CISH: variants seen among roughly 807,000 people sequenced by gnomAD.
CISH encodes cytokine inducible SH2 containing protein, also known as cytokine-inducible SH2-containing protein.
CISH carries 11 observed loss-of-function variants against 21.3 expected under a neutral mutation model. The observed-to-expected ratio is 0.52, with a 90% CI of 0.32 to 0.85. The LOEUF (loss-of-function observed/expected upper bound fraction) is 0.85, where lower values mean the gene tolerates loss of function less well. CISH is among the 40% of genes least tolerant of loss of function. CISH has a pLI of 0.03. For missense variants in CISH, 280 were observed against 351.7 expected (o/e 0.80, Z 1.63); for synonymous variants, 118 against 142.3 (o/e 0.83, Z 1.22).
chr3:50,608,710 T>C, intron 1 of CISH, 117 bp from the exon 2 acceptor site: 1 of 657,672 alleles, frequency 1.5e-6, no homozygotes, highest in Non-Finnish European at 2.3e-6. Flanking sequence ...ACTATGAGCC[T>C]CAGCTTCCCC....
chr3:50,611,210 A>G, intron 1 of CISH: 1 of 1,039,170 alleles, frequency 9.6e-7, no homozygotes, highest in Non-Finnish European at 1.2e-6. Context: ...GAGAGGGGAC[A>G]CCAGGACAGA....
intron 1 of CISH, chr3:50,610,946 C>T (rs2032306445): frequency 1.0e-6 from 1 of 1,000,738 alleles, no homozygotes; most frequent in East Asian, 1.1e-4. Context: ...GTCTTATCAG[C>T]ATCCCCTCTC....
chr3:50,610,313 G>T, intron 1 of CISH: 1 of 1,535,508 alleles, frequency 6.5e-7, no homozygotes, highest in Non-Finnish European at 8.8e-7. Flanking sequence ...TGGGGCTGAT[G>T]TGGTAGCTGG....
chr3:50,610,006 A>G (rs1448771507), intron 1 of CISH: 3 of 256,532 alleles, frequency 1.2e-5, no homozygotes, highest in Non-Finnish European at 2.3e-5. Context: ...GTGACCCTCT[A>G]GGTTCTAACA....
chr3:50,608,158 G>C lies in CISH; in HGVS notation c.242-16C>G. 4 of 1,584,940 alleles carry C rather than the reference G, an allele frequency of 2.5e-6. No individual in the cohort carries two copies. Among genetic ancestry groups the C allele is most frequent in the Non-Finnish European group, 3.4e-6 (4 of 1,162,438 alleles). On this transcript the variant is annotated splice_polypyrimidine_tract_variant and intron_variant, in intron 2 of 2. Transcript: ENST00000348721. ...CAATACCAGCCTAGGCAAGTGCAGA[G>C]GGGGCCAAGGGACATAGTGGAAATT...
intron 1 of CISH, chr3:50,610,743 C>T: frequency 8.0e-7 from 1 of 1,254,980 alleles, no homozygotes; most frequent in Non-Finnish European, 1.0e-6. Flanking sequence ...GGCACCAGGC[C>T]AGTTGCGATA....
In CISH at chr3:50,611,603, C is replaced by A; in HGVS notation, c.20+28G>T. The stretch of plus-strand genomic sequence containing the variant: ...TCTCCCGTGCGCCCCTCGTGGTGGC[C>A]GGGAAGGGGGCAGAGAGCCGCGCTT... On this transcript the variant is annotated intron_variant, in intron 1 of 2. Transcript: ENST00000348721. 7 of 1,521,228 alleles carry A rather than the reference C, an allele frequency of 4.6e-6. No homozygotes were observed. In the South Asian group the frequency reaches 8.6e-5, roughly 19 times the overall value. The allele number at this position is 1,521,228 out of a possible 1,614,324, so 94.2% of individuals were successfully genotyped here. A position where few individuals can be genotyped will look rare whatever the true frequency, so the allele number is the denominator to read the frequency against.
At position 50,611,639 on chromosome 3, in the gene CISH, G is replaced by A. The variant is rs548392063; in HGVS notation, c.12C>T (p.Cys4=). ...CAGAGAGCCGCGCTTACCCCTGAAC[G>A]CAGAGGACCATGTCCCCGCGGCAGC... The part of the protein sequence containing the change: MVL[C]VQGPRPLLAV... The change falls in exon 1 of 3, where the codon TGC becomes TGT. Residue 4 remains cysteine (C), a synonymous_variant. Coordinates refer to ENST00000348721, the MANE Select transcript of CISH (RefSeq NM_145071.4). 6 of 1,506,686 alleles carry A rather than the reference G, an allele frequency of 4.0e-6. No individual in the cohort carries two copies. The highest frequency in any genetic ancestry group is 2.9e-5 in the African/African-American group (2 of 69,030). 93.3% of individuals were successfully genotyped at this position (1,506,686 alleles called of 1,614,324 possible).
chr3:50,610,725 C>T (rs1361987594), intron 1 of CISH: 17 of 1,284,524 alleles, frequency 1.3e-5, no homozygotes, highest in African/African-American at 3.0e-5. Flanking sequence ...TTCCACCCTC[C>T]CTCACTTGGC....
Position 50,611,708 on chromosome 3 carries a change from G to A in CISH, c.-58C>T, listed in dbSNP as rs1225888520. On this transcript the variant is annotated 5_prime_UTR_variant, in exon 1 of 3. Transcript: ENST00000348721. The stretch of plus-strand genomic sequence containing the variant: ...ACTCGGCTGGACGGCGGCGGCTGGA[G>A]GGAACCAGTGGGCGCGGAGCGCGTG... 4 of 1,438,918 alleles carry A rather than the reference G, an allele frequency of 2.8e-6. No individual in the cohort carries two copies. The highest frequency in any genetic ancestry group is 3.6e-6 in the Non-Finnish European group (4 of 1,097,378). The allele number at this position is 1,438,918 out of a possible 1,614,324, so 89.1% of individuals were successfully genotyped here.
At chr3:50,610,752 T>G in intron 1 of CISH, 1 of 1,243,642 alleles carries the variant, frequency 8.0e-7, no homozygotes, top group South Asian at 1.9e-5. Flanking sequence ...CCAGTTGCGA[T>G]AAGCACAGCC....
chr3:50,610,890 AGGACAGAGTGGAT>A, intron 1 of CISH: 1 of 1,030,944 alleles, frequency 9.7e-7, no homozygotes. Context: ...GCTGAGGTTC[AGGACAGAGTGGAT>A]GGCCAGGAAT....
intron 1 of CISH, 185 bp downstream of exon 1, chr3:50,611,446 T>C: frequency 6.5e-6 from 9 of 1,392,774 alleles, no homozygotes; most frequent in Non-Finnish European, 6.5e-6. Context: ...GGAATTGAGG[T>C]AAGTGTGTGG....
intron 1 of CISH, chr3:50,609,882 AC>A (rs2032268743): frequency 6.4e-6 from 1 of 155,462 alleles, no homozygotes; most frequent in South Asian, 1.9e-4. Context: ...GGGGGAAGGG[AC>A]CCCAGGTAGA....
At position 50,607,506 on chromosome 3, in the gene CISH, C is replaced by A; in HGVS notation, c.*101G>T. On this transcript the variant is annotated 3_prime_UTR_variant, in exon 3 of 3. Transcript: ENST00000348721. ...CCAGCTGCCAGAGGTATGCAGGCACCAGGATGCCTGGAGGAGGGACAGTGG... is the reference window on the plus strand; with the variant it reads ...CCAGCTGCCAGAGGTATGCAGGCACAAGGATGCCTGGAGGAGGGACAGTGG... 7.9e-7 allele frequency: 1 copy of A among 1,270,784 alleles called. No homozygotes were observed. Among genetic ancestry groups the A allele is most frequent in the Non-Finnish European group, 1.1e-6 (1 of 916,780 alleles). The allele number at this position is 1,270,784 out of a possible 1,614,324, so 78.7% of individuals were successfully genotyped here.
At chr3:50,611,554 C>T in intron 1 of CISH, 77 bp downstream of exon 1, 1 of 1,522,138 alleles carries the variant, frequency 6.6e-7, no homozygotes, top group Non-Finnish European at 8.8e-7. Flanking sequence ...TCCCAATGCC[C>T]GGCAGCTAGC....
intron 1 of CISH, chr3:50,610,116 T>C (rs2032277315): frequency 3.7e-6 from 2 of 547,890 alleles, no homozygotes; most frequent in South Asian, 4.3e-5. Flanking sequence ...GGCTGTACTG[T>C]GGGATCTTGG....
At chr3:50,611,108 C>A in intron 1 of CISH, 1 of 971,424 alleles carries the variant, frequency 1.0e-6, no homozygotes, top group Non-Finnish European at 1.2e-6. Flanking sequence ...CAGGGCCTCC[C>A]GAGAGTTGCA....
rs1361253322 is a variant in CISH, at chr3:50,607,661, C to T, written c.723G>A (p.Leu241=). 2 of 1,613,618 alleles carry T rather than the reference C, an allele frequency of 1.2e-6. No homozygotes were observed. Among genetic ancestry groups the T allele is most frequent in the East Asian group, 2.2e-5 (1 of 44,884 alleles). ...AGTCGGCCATGCGCCGGGGCAGTGG[C>T]AGGCAGTCCACGTCGGCCACCAGAC... ...INRLVADVDC[L]PLPRRMADYL... is the part of the protein sequence containing the mutation. Residue 241 remains leucine (L), a synonymous_variant, in exon 3 of 3, where the codon CTG becomes CTA. Coordinates refer to ENST00000348721, the MANE Select transcript of CISH (RefSeq NM_145071.4).
Sources: allele counts gnomAD v4.1 joint callset, GRCh38; gene constraint gnomAD v4.1.1; transcripts MANE v1.5; gene names NCBI Gene and HGNC (gene_info 2026-07-23, HGNC 2026-07-21).